CACNA1E: variants seen among roughly 807,000 people sequenced by gnomAD.
CACNA1E encodes voltage-dependent R-type calcium channel subunit alpha-1E.
A neutral mutation model predicts 259.2 loss-of-function variants in CACNA1E; 40 were observed. That is an observed-to-expected ratio of 0.15 (90% CI 0.12 to 0.20). The LOEUF is 0.20. Ranked by LOEUF, CACNA1E falls within the 10% of genes least tolerant of loss-of-function variation. CACNA1E has a pLI of 1.00. For missense variants in CACNA1E, 1,874 were observed against 3,040.1 expected (o/e 0.62, Z 9.02); for synonymous variants, 1,104 against 1,138.5 (o/e 0.97, Z 0.61).
At chr1:181,405,251 G>A (rs548447553) in intron 1 of CACNA1E, among the ~76,000 whole-genome samples, 1 of 152,372 alleles carries the variant, frequency 6.6e-6, no homozygotes, top group Admixed American at 6.5e-5. Context: ...GAGATCCCCA[G>A]TGCTACTGGG....
chr1:181,706,308 T>C (rs935359035), intron 7 of CACNA1E, among the ~76,000 whole-genome samples: 1 of 152,130 alleles, frequency 6.6e-6, no homozygotes, highest in African/African-American at 2.4e-5. Context: ...CCCAGGATCC[T>C]CTGTGAAGAG....
At chr1:181,444,925 G>T (rs761690308) in intron 2 of CACNA1E, among the ~76,000 whole-genome samples, 9 of 152,062 alleles carry the variant, frequency 5.9e-5, no homozygotes, top group Admixed American at 3.9e-4. Flanking sequence ...TGGTTCCTCT[G>T]TCTTCTCTCT....
At chr1:181,708,400 T>G (rs1653003262) in intron 7 of CACNA1E, among the ~76,000 whole-genome samples, 1 of 152,180 alleles carries the variant, frequency 6.6e-6, no homozygotes, top group Admixed American at 6.5e-5. Context: ...AAAGGGCCAC[T>G]TAAGTCACTT....
chr1:181,764,032 C>T (rs1260049502), intron 34 of CACNA1E, among the ~76,000 whole-genome samples: 7 of 152,144 alleles, frequency 4.6e-5, no homozygotes, highest in African/African-American at 1.7e-4. Flanking sequence ...GTGTTTATTT[C>T]CTGAGCCACT....
intron 7 of CACNA1E, among the ~76,000 whole-genome samples, chr1:181,708,971 G>A (rs751188268): frequency 6.6e-6 from 1 of 152,170 alleles, no homozygotes; most frequent in Non-Finnish European, 1.5e-5. Flanking sequence ...GAGACAGGAG[G>A]TTGAGAGACC....
intron 6 of CACNA1E, among the ~76,000 whole-genome samples, chr1:181,627,302 AGG>A (rs1328871811): frequency 6.6e-6 from 1 of 152,218 alleles, no homozygotes; most frequent in Non-Finnish European, 1.5e-5. Flanking sequence ...GTTTCACAGA[AGG>A]GAAAGCTATT....
chr1:181,648,229 G>A lies in CACNA1E; in HGVS notation c.952-3109G>A, dbSNP rs765767464. Among the ~76,000 whole-genome samples the A allele has an allele frequency of 3.3e-5, 5 of 152,196 alleles. No homozygotes were observed. The East Asian group carries it at 5.8e-4, about 18-fold the overall frequency. The stretch of plus-strand genomic sequence containing the variant: ...AATTGTGGACGTTTTTTGATTAGTC[G>A]ACCATCTATGCATGCCAAACCCTTT... On this transcript the variant is annotated intron_variant, in intron 6 of 47. Transcript: ENST00000367573.
rs530293956 is a variant in CACNA1E, at chr1:181,756,946, T to C, written c.4149T>C (p.Asp1383=). 2 of 1,612,154 alleles carry C rather than the reference T, an allele frequency of 1.2e-6. No individual in the cohort carries two copies. The highest frequency in any genetic ancestry group is 2.7e-5 in the African/African-American group (2 of 75,032). ...ATAGAGTTCTGCAGCACTCTGTAGA[T>C]GTGACAGAGGAAGACCGAGGCCCAA... ...GWPQVLQHSV[D]VTEEDRGPSR... Residue 1383 remains aspartate, a synonymous_variant, in exon 30 of 48, where the codon GAT becomes GAC. Transcript: ENST00000367573.
At chr1:181,733,353 TC>T in intron 20 of CACNA1E, 83 bp from the exon 21 acceptor site, 1 of 1,242,942 alleles carries the variant, frequency 8.0e-7, no homozygotes, top group Non-Finnish European at 1.1e-6. Flanking sequence ...TGCCTGAGCT[TC>T]CCCGCCTTCC....
rs376362577 is a variant in CACNA1E, at chr1:181,705,739, C to G, written c.1056-5215C>G. On this transcript the variant is annotated intron_variant, in intron 7 of 47. Coordinates refer to ENST00000367573, the MANE Select transcript of CACNA1E (RefSeq NM_001205293.3). ...ACTTGGATTTGTGTCACTGTACAAT[C>G]TCTTATGGGAATCTAGTCAGGACTC... 3.1e-3 allele frequency among the ~76,000 whole-genome samples: 473 copies of G among 152,302 alleles called. 4 individuals are homozygous for G. The Middle Eastern group carries it at 0.037, about 12-fold the overall frequency.
chr1:181,756,162 T>G, intron 29 of CACNA1E, 69 bp downstream of exon 29: 2 of 1,466,630 alleles, frequency 1.4e-6, no homozygotes, highest in Non-Finnish European at 9.3e-7. Flanking sequence ...AGAAGCTGAC[T>G]CAAGATGAAC....
intron 2 of CACNA1E, among the ~76,000 whole-genome samples, chr1:181,424,336 C>T (rs1423608167): frequency 6.6e-6 from 1 of 152,188 alleles, no homozygotes; most frequent in Non-Finnish European, 1.5e-5. Context: ...GGAACTTCAG[C>T]ACACACCCTT....
At chr1:181,753,339 G>A in intron 27 of CACNA1E, among the ~76,000 whole-genome samples, 1 of 152,210 alleles carries the variant, frequency 6.6e-6, no homozygotes, top group East Asian at 1.9e-4. Context: ...GGCTTGGAGT[G>A]CGCCTCCTAA....
chr1:181,672,295 A>G (rs1648890684), intron 7 of CACNA1E, among the ~76,000 whole-genome samples: 1 of 152,210 alleles, frequency 6.6e-6, no homozygotes, highest in South Asian at 2.1e-4. Flanking sequence ...ACTAAGTTTA[A>G]TACCTGGGTG....
intron 6 of CACNA1E, among the ~76,000 whole-genome samples, chr1:181,585,206 T>C (rs1572287261): frequency 6.6e-6 from 1 of 152,076 alleles, no homozygotes. Context: ...GGAGGTGAGG[T>C]GTATGTGCTT....
intron 1 of CACNA1E, among the ~76,000 whole-genome samples, chr1:181,374,838 G>C (rs564181545): frequency 6.6e-6 from 1 of 152,212 alleles, no homozygotes; most frequent in Non-Finnish European, 1.5e-5. Flanking sequence ...TTCTCTTACT[G>C]CCTAGAGAGA....
intron 47 of CACNA1E, among the ~76,000 whole-genome samples, chr1:181,797,881 G>A (rs1238593243): frequency 6.6e-6 from 1 of 152,192 alleles, no homozygotes; most frequent in African/African-American, 2.4e-5. Context: ...CCACAGAGTT[G>A]TCTTTCTCAA....
At chr1:181,528,909 G>GAAAA (rs1355748085) in intron 3 of CACNA1E, among the ~76,000 whole-genome samples, 1 of 152,212 alleles carries the variant, frequency 6.6e-6, no homozygotes, top group Non-Finnish European at 1.5e-5. Context: ...CAGTAGAGAA[G>GAAAA]AAAAACCCAT....
intron 7 of CACNA1E, among the ~76,000 whole-genome samples, chr1:181,676,720 T>G (rs1018059670): frequency 7.2e-5 from 11 of 152,180 alleles, no homozygotes; most frequent in Admixed American, 2.0e-4. Context: ...ATATCCCCTA[T>G]GGAGGACAGC....
Sources: allele counts gnomAD v4.1 joint callset (sites outside exome capture counted in the v4.1 genomes callset), GRCh38; gene constraint gnomAD v4.1.1; transcripts MANE v1.5; gene names NCBI Gene and HGNC (gene_info 2026-07-23, HGNC 2026-07-21).